CAMTA1: variants seen among roughly 807,000 people sequenced by gnomAD.
CAMTA1 encodes calmodulin-binding transcription activator 1.
A neutral mutation model predicts 170.9 loss-of-function variants in CAMTA1; 27 were observed. The ratio of observed to expected loss-of-function variants is 0.16; its 90% CI spans 0.12 to 0.22. CAMTA1 has a LOEUF of 0.22. CAMTA1 is among the 10% of genes least tolerant of loss of function. The pLI is 1.00. For synonymous variants in CAMTA1, 833 were observed against 891.5 expected (o/e 0.93, Z 1.17); for missense variants, 1,619 against 2,217.2 (o/e 0.73, Z 5.42).
chr1:7,112,432 T>C (rs1347245280), intron 4 of CAMTA1, among the ~76,000 whole-genome samples: 1 of 152,226 alleles, frequency 6.6e-6, no homozygotes, highest in African/African-American at 2.4e-5. Flanking sequence ...TTGAGATGAT[T>C]TTCCCCATTT....
intron 22 of CAMTA1, among the ~76,000 whole-genome samples, chr1:7,761,305 CTG>C (rs1042776451): frequency 2.0e-5 from 3 of 152,218 alleles, no homozygotes; most frequent in Non-Finnish European, 4.4e-5. Context: ...CACAGCTCTC[CTG>C]AGGGCAGCAC....
rs112363866 is a variant in CAMTA1 at position 7,123,795 on chromosome 1, T to C, written c.302+32424T>C. On this transcript the variant is annotated intron_variant, in intron 4 of 22. Transcript: ENST00000303635. ...CTTTGTGGTATTTTCCTCCACAGCC[T>C]GACCCATTCACTGCCAAGTCCCTTT... Among the ~76,000 whole-genome samples, 359 of 152,308 alleles carry C rather than the reference T, an allele frequency of 2.4e-3. 2 individuals are homozygous for C. Among genetic ancestry groups the C allele is most frequent in the African/African-American group, 8.5e-3 (352 of 41,562 alleles).
At chr1:7,243,125 C>G (rs1665177889) in intron 4 of CAMTA1, among the ~76,000 whole-genome samples, 1 of 152,150 alleles carries the variant, frequency 6.6e-6, no homozygotes, top group Non-Finnish European at 1.5e-5. Context: ...AAATTCCATA[C>G]TTTTTAAGAT....
rs1288965211 is a variant in CAMTA1 at position 7,685,344 on chromosome 1, G to A, written c.2914+7611G>A. 2.0e-5 allele frequency among the ~76,000 whole-genome samples: 3 copies of A among 152,178 alleles called. No individual in the cohort carries two copies. Among genetic ancestry groups the A allele is most frequent in the Non-Finnish European group, 4.4e-5 (3 of 68,036 alleles). ...CCCTCCTGTTGGAATGCTCAGGGAC[G>A]GCCATGGGGCAGCAGGATAGGGCGG... On this transcript the variant is annotated intron_variant, in intron 11 of 22. Transcript: ENST00000303635. The surrounding 1 kb of genome is among the most constrained non-coding windows in gnomAD (Gnocchi z 5.7).
intron 6 of CAMTA1, among the ~76,000 whole-genome samples, chr1:7,511,757 G>A (rs2094204491): frequency 1.3e-5 from 2 of 152,196 alleles, no homozygotes; most frequent in East Asian, 3.8e-4. Flanking sequence ...CTGGCCAGGT[G>A]TTTCCCGTGG....
intron 3 of CAMTA1, among the ~76,000 whole-genome samples, chr1:6,846,669 A>T (rs1658290051): frequency 6.6e-6 from 1 of 152,252 alleles, no homozygotes; most frequent in South Asian, 2.1e-4. Context: ...ATAATAAAGA[A>T]TCATTAGTAT....
chr1:7,545,389 A>G (rs2094678058), intron 6 of CAMTA1, among the ~76,000 whole-genome samples: 1 of 152,230 alleles, frequency 6.6e-6, no homozygotes. Context: ...CTATCAACTA[A>G]TCCTGTCTTC....
intron 6 of CAMTA1, among the ~76,000 whole-genome samples, chr1:7,608,270 C>T (rs902294355): frequency 2.6e-5 from 4 of 152,218 alleles, no homozygotes; most frequent in African/African-American, 9.6e-5. Flanking sequence ...CAGGCCCAGA[C>T]CTGACCAAGG....
At chr1:7,202,669 C>T (rs533618037) in intron 4 of CAMTA1, among the ~76,000 whole-genome samples, 1 of 152,206 alleles carries the variant, frequency 6.6e-6, no homozygotes, top group East Asian at 1.9e-4. Context: ...TTCTTAGTTT[C>T]ACTTTCAGAT....
At chr1:7,530,765 A>AT (rs111706934) in intron 6 of CAMTA1, among the ~76,000 whole-genome samples, 3,789 of 124,954 alleles carry the variant, frequency 0.03, 153 homozygotes, top group East Asian at 0.13. Flanking sequence ...CAGAATGTGG[A>AT]TTTTTTTTTT....
Position 7,736,300 on chromosome 1 carries a change from G to A in CAMTA1, c.3067-44G>A. 1.3e-6 allele frequency: 2 copies of A among 1,561,662 alleles called. No homozygotes were observed. The highest frequency in any genetic ancestry group is 8.8e-7 in the Non-Finnish European group (1 of 1,139,428). On this transcript the variant is annotated intron_variant, in intron 12 of 22. Transcript: ENST00000303635. The surrounding 1 kb of genome is among the most constrained non-coding windows in gnomAD (Gnocchi z 4.5). ...TACATCGAAGCGCTGATGGGGTCGAGGGCCTTTAGTCCTGAGGTCGTAACG... is the reference window on the plus strand; with the variant it reads ...TACATCGAAGCGCTGATGGGGTCGAAGGCCTTTAGTCCTGAGGTCGTAACG...
chr1:7,290,493 C>T (rs1004075693), intron 5 of CAMTA1, among the ~76,000 whole-genome samples: 2 of 152,130 alleles, frequency 1.3e-5, no homozygotes, highest in African/African-American at 4.8e-5. Context: ...TAACTCGGGG[C>T]CTGGGATGTT....
At chr1:7,501,712 C>T (rs961394488) in intron 6 of CAMTA1, among the ~76,000 whole-genome samples, 2 of 152,034 alleles carry the variant, frequency 1.3e-5, no homozygotes, top group Non-Finnish European at 2.9e-5. Flanking sequence ...GACATGTCAT[C>T]GGCACCCTCC....
At chr1:7,509,814 A>T (rs1162200838) in intron 6 of CAMTA1, among the ~76,000 whole-genome samples, 1 of 151,982 alleles carries the variant, frequency 6.6e-6, no homozygotes, top group Non-Finnish European at 1.5e-5. Flanking sequence ...GTGTGAGGGG[A>T]TGTGGACATG....
intron 4 of CAMTA1, among the ~76,000 whole-genome samples, chr1:7,108,572 G>A (rs1226128905): frequency 6.6e-6 from 1 of 152,152 alleles, no homozygotes; most frequent in Non-Finnish European, 1.5e-5. Flanking sequence ...GTTCAGAGAG[G>A]AAATAGGGGA....
chr1:6,900,110 A>C (rs993664065), intron 3 of CAMTA1, among the ~76,000 whole-genome samples: 8 of 152,236 alleles, frequency 5.3e-5, no homozygotes, highest in African/African-American at 1.9e-4. Flanking sequence ...AGATCACTTT[A>C]CCAGAAGCTT....
At chr1:6,818,211 C>T (rs1646059926) in intron 1 of CAMTA1, among the ~76,000 whole-genome samples, 1 of 152,138 alleles carries the variant, frequency 6.6e-6, no homozygotes. Flanking sequence ...GTGGCGGACA[C>T]CTGTGATCCC....
intron 6 of CAMTA1, among the ~76,000 whole-genome samples, chr1:7,581,281 C>A (rs975292263): frequency 6.6e-6 from 1 of 152,226 alleles, no homozygotes; most frequent in Non-Finnish European, 1.5e-5. Flanking sequence ...TGGCTGCCTC[C>A]GAAGGGCCTG....
At chr1:6,824,682 T>A (rs1646908373) in intron 2 of CAMTA1, among the ~76,000 whole-genome samples, 1 of 152,210 alleles carries the variant, frequency 6.6e-6, no homozygotes, top group Non-Finnish European at 1.5e-5. Context: ...AGTCATATAT[T>A]ACTATAATTC....
Sources: allele counts gnomAD v4.1 joint callset (sites outside exome capture counted in the v4.1 genomes callset), GRCh38; gene constraint gnomAD v4.1.1; non-coding constraint Gnocchi (gnomAD v3.1); transcripts MANE v1.5; gene names NCBI Gene and HGNC (gene_info 2026-07-23, HGNC 2026-07-21).